PTPRG: variants seen among roughly 807,000 people sequenced by gnomAD.
The protein encoded by PTPRG is protein tyrosine phosphatase receptor type G, also known as receptor-type tyrosine-protein phosphatase gamma.
Under a neutral mutation model 165.3 loss-of-function variants are expected in PTPRG, and 102 were observed. That is an observed-to-expected ratio of 0.62 (90% CI 0.53 to 0.73). The LOEUF is 0.73. PTPRG is among the 30% of genes least tolerant of loss of function. PTPRG has a pLI of 0.00. For missense variants in PTPRG, 1,866 were observed against 1,861.4 expected (o/e 1.00, Z -0.05); for synonymous variants, 675 against 669.5 (o/e 1.01, Z -0.13).
intron 2 of PTPRG, among the ~76,000 whole-genome samples, chr3:61,958,601 T>A (rs566068228): frequency 6.6e-6 from 1 of 152,266 alleles, no homozygotes; most frequent in Admixed American, 6.5e-5. Context: ...TAGTTACAGG[T>A]TTTTTCTTTT....
chr3:61,994,082 A>G (rs891824915), intron 3 of PTPRG, among the ~76,000 whole-genome samples: 34 of 152,342 alleles, frequency 2.2e-4, no homozygotes, highest in African/African-American at 8.2e-4. Flanking sequence ...AGCCGTAACT[A>G]TCTATTGTGC....
intron 29 of PTPRG, 198 bp downstream of exon 29, chr3:62,292,754 TACACAGCACA>T (rs1702945526): frequency 9.9e-6 from 6 of 607,664 alleles, no homozygotes; most frequent in Admixed American, 6.4e-5. Flanking sequence ...CTAAGCAAAC[TACACAGCACA>T]AGACAGCCCT....
intron 6 of PTPRG, among the ~76,000 whole-genome samples, chr3:62,153,102 G>A (rs1704396135): frequency 6.6e-6 from 1 of 152,174 alleles, no homozygotes; most frequent in Admixed American, 6.5e-5. Flanking sequence ...TGTTATTTAA[G>A]TACCTACATA....
chr3:62,269,252 C>T (rs1701981296), intron 20 of PTPRG, 83 bp downstream of exon 20: 2 of 1,365,306 alleles, frequency 1.5e-6, no homozygotes, highest in Admixed American at 2.4e-5. Context: ...GGCCAAATCT[C>T]ATAACCAACT....
chr3:61,873,093 A>C (rs1239084236), intron 2 of PTPRG, among the ~76,000 whole-genome samples: 1 of 152,154 alleles, frequency 6.6e-6, no homozygotes, highest in African/African-American at 2.4e-5. Context: ...GGAGCTGTAT[A>C]TATTCAGTAA....
At chr3:62,122,737 G>A (rs1489243737) in intron 5 of PTPRG, among the ~76,000 whole-genome samples, 1 of 152,118 alleles carries the variant, frequency 6.6e-6, no homozygotes, top group African/African-American at 2.4e-5. Context: ...AAGTTTTCTT[G>A]GTTGGAACTT....
At chr3:62,130,258 G>A (rs947910404) in intron 5 of PTPRG, among the ~76,000 whole-genome samples, 1 of 152,232 alleles carries the variant, frequency 6.6e-6, no homozygotes, top group East Asian at 1.9e-4. Flanking sequence ...CCTTGTAGTC[G>A]CTCATCCTTT....
At chr3:61,607,672 C>T (rs760743839) in intron 1 of PTPRG, among the ~76,000 whole-genome samples, 1 of 152,192 alleles carries the variant, frequency 6.6e-6, no homozygotes, top group Non-Finnish European at 1.5e-5. Flanking sequence ...AAGTGACATT[C>T]TCTGTGGAGA....
At chr3:62,272,303 T>C (rs993792449) in intron 21 of PTPRG, among the ~76,000 whole-genome samples, 1 of 152,210 alleles carries the variant, frequency 6.6e-6, no homozygotes, top group South Asian at 2.1e-4. Flanking sequence ...AAATTTTTAG[T>C]TTAAATGTTC....
rs185709249 is a variant in PTPRG at position 62,119,887 on chromosome 3, G to A, written c.616-12715G>A. 6.0e-5 allele frequency among the ~76,000 whole-genome samples: 9 copies of A among 149,528 alleles called. No homozygotes were observed. The East Asian group carries it at 1.6e-3, about 27-fold the overall frequency. ...CTGACCTCGTGATCTGCCCACCTTG[G>A]GCTCCCAAAGTGCTGGAATTACAGG... On this transcript the variant is annotated intron_variant, in intron 5 of 29. Coordinates refer to ENST00000474889, the MANE Select transcript of PTPRG (RefSeq NM_002841.4).
At position 61,749,036 on chromosome 3, in the gene PTPRG, A is replaced by G. The variant is rs915416625; in HGVS notation, c.190+54A>G. Reference sequence around the variant, plus strand: ...CACAGGCCAGTTAACATCCCATTCAACTCACTTGAAAGCACACTTTGAATC... The same window carrying G: ...CACAGGCCAGTTAACATCCCATTCAGCTCACTTGAAAGCACACTTTGAATC... On this transcript the variant is annotated intron_variant, in intron 2 of 29. Transcript: ENST00000474889. The G allele has an allele frequency of 2.9e-6, 4 of 1,385,950 alleles. No individual in the cohort carries two copies. The African/African-American group carries it at 4.3e-5, about 15-fold the overall frequency. The allele number at this position is 1,385,950 out of a possible 1,614,324, so 85.9% of individuals were successfully genotyped here. A position where few individuals can be genotyped will look rare whatever the true frequency, so the allele number is the denominator to read the frequency against.
rs72146414 is a variant in PTPRG at position 62,047,263 on chromosome 3, T to TTATTTATTTATTTATGTATG, written c.520-30891_520-30890insATTTATGTATGTATTTATTT. Among the ~76,000 whole-genome samples, 5 of 149,958 alleles carry TTATTTATTTATTTATGTATG rather than the reference T, an allele frequency of 3.3e-5. No individual in the cohort carries two copies. In the South Asian group the frequency reaches 6.3e-4, roughly 19 times the overall value. On this transcript the variant is annotated intron_variant, in intron 4 of 29. Coordinates refer to ENST00000474889, the MANE Select transcript of PTPRG (RefSeq NM_002841.4). ...AGCTTCCTATTATTTATTTATTTAT[T>TTATTTATTTATTTATGTATG]TATTTATTTTTATTGAGATGGAGTC...
At chr3:61,924,547 G>C (rs1050458270) in intron 2 of PTPRG, among the ~76,000 whole-genome samples, 1 of 152,198 alleles carries the variant, frequency 6.6e-6, no homozygotes, top group Non-Finnish European at 1.5e-5. Context: ...CATCTCCCAC[G>C]TGCTGTCACT....
chr3:62,087,170 G>T (rs1701780419), intron 5 of PTPRG, among the ~76,000 whole-genome samples: 2 of 152,184 alleles, frequency 1.3e-5, no homozygotes, highest in Non-Finnish European at 2.9e-5. Flanking sequence ...ACCTTACTAT[G>T]ACAGATGACA....
intron 12 of PTPRG, among the ~76,000 whole-genome samples, chr3:62,207,525 A>G (rs74564593): frequency 0.013 from 1,978 of 152,334 alleles, 17 homozygotes; most frequent in Non-Finnish European, 0.018. Context: ...GATTTATTTT[A>G]AGGACTTTGT....
chr3:62,059,339 A>G (rs1161526575), intron 4 of PTPRG, among the ~76,000 whole-genome samples: 1 of 152,194 alleles, frequency 6.6e-6, no homozygotes, highest in Non-Finnish European at 1.5e-5. Flanking sequence ...AGTCAGCTTG[A>G]AAACAGCTCT....
intron 1 of PTPRG, among the ~76,000 whole-genome samples, chr3:61,672,181 T>C (rs1703028882): frequency 7.8e-6 from 1 of 127,710 alleles, no homozygotes; most frequent in South Asian, 2.8e-4. Context: ...GAAGAGGCGC[T>C]CCTCACTTCC....
At chr3:62,244,273 C>T (rs775516310) in intron 15 of PTPRG, among the ~76,000 whole-genome samples, 10 of 152,048 alleles carry the variant, frequency 6.6e-5, no homozygotes, top group Non-Finnish European at 1.0e-4. Flanking sequence ...TTGGTTCTTA[C>T]GATGGTTGTG....
intron 1 of PTPRG, among the ~76,000 whole-genome samples, chr3:61,676,273 C>G (rs570187565): frequency 6.6e-6 from 1 of 151,014 alleles, no homozygotes; most frequent in Non-Finnish European, 1.5e-5. Flanking sequence ...CTGGCTAACA[C>G]GGTGAAACCC....
Sources: gnomAD v4.1 joint callset for allele counts (sites outside exome capture counted in the v4.1 genomes callset) on GRCh38, gnomAD v4.1.1 for gene constraint, MANE v1.5 for transcripts, NCBI Gene and HGNC (gene_info 2026-07-23, HGNC 2026-07-21) for gene names.